The following PEX1 variants were observed in gnomAD, a reference collection of about 807,000 sequenced individuals.
The protein encoded by PEX1 is peroxisomal biogenesis factor 1.
PEX1 carries 97 observed loss-of-function variants against 152.5 expected under a neutral mutation model. The ratio of observed to expected loss-of-function variants is 0.64; its 90% CI spans 0.54 to 0.75. PEX1 has a LOEUF of 0.75. Among genes scored for constraint, PEX1 ranks in the 30% least tolerant of loss-of-function variants. PEX1 has a pLI of 0.00. For missense variants in PEX1, 1,357 were observed against 1,516.3 expected (o/e 0.89, Z 1.74); for synonymous variants, 485 against 531.6 (o/e 0.91, Z 1.21).
Position 92,499,961 on chromosome 7 carries a change from G to C in PEX1, c.2584-123C>G. On this transcript the variant is annotated intron_variant, in intron 15 of 23. Coordinates refer to ENST00000248633, the MANE Select transcript of PEX1 (RefSeq NM_000466.3). ...TGGTAATCACGACCATCTTTCTTTA[G>C]TAACAGCAAGTACAACAGTAGAAAA... 2.8e-6 allele frequency: 2 copies of C among 715,946 alleles called. 1 individual carries two copies. The highest frequency in any genetic ancestry group is 3.3e-5 in the South Asian group (2 of 59,948). 44.3% of individuals were successfully genotyped at this position (715,946 alleles called of 1,614,324 possible).
chr7:92,493,689 A>T (rs2116085791), intron 19 of PEX1: 1 of 153,972 alleles, frequency 6.5e-6, no homozygotes, highest in East Asian at 1.9e-4. Flanking sequence ...ATAATTTCTT[A>T]TTCACACAGT....
chr7:92,519,772 T>C (rs1225259888), intron 2 of PEX1, among the ~76,000 whole-genome samples: 2 of 152,180 alleles, frequency 1.3e-5, no homozygotes, highest in African/African-American at 4.8e-5. Context: ...CCTCCTATTA[T>C]AGTTTAAATA....
intron 14 of PEX1, 82 bp downstream of exon 14, chr7:92,501,808 A>G (rs1738346501): frequency 7.1e-7 from 1 of 1,408,986 alleles, no homozygotes; most frequent in Admixed American, 1.7e-5. Flanking sequence ...AATGGAATAT[A>G]TTTAATTCTT....
At chr7:92,514,766 C>T (rs1792643993) in intron 5 of PEX1, among the ~76,000 whole-genome samples, 1 of 152,020 alleles carries the variant, frequency 6.6e-6, no homozygotes, top group African/African-American at 2.4e-5. Flanking sequence ...TTAAATTTTA[C>T]CTCAGCCGGG....
chr7:92,495,834 G>A (rs1346738070), intron 17 of PEX1, among the ~76,000 whole-genome samples: 1 of 151,724 alleles, frequency 6.6e-6, no homozygotes, highest in African/African-American at 2.4e-5. Context: ...ATATTTTTTA[G>A]TTTATATCTA....
intron 3 of PEX1, 34 bp from the exon 4 acceptor site, chr7:92,518,289 T>C: frequency 7.4e-7 from 1 of 1,348,484 alleles, no homozygotes. Context: ...CAATTCACTT[T>C]ACATTTTGTC....
intron 19 of PEX1, 102 bp downstream of exon 19, chr7:92,494,191 C>T (rs995428453): frequency 9.5e-5 from 81 of 848,654 alleles, no homozygotes; most frequent in East Asian, 3.9e-4. Flanking sequence ...CCTAAGAAAG[C>T]TGGTCTTCTA....
chr7:92,500,541 C>T (rs1034650621), intron 15 of PEX1, among the ~76,000 whole-genome samples: 2 of 152,242 alleles, frequency 1.3e-5, no homozygotes, highest in African/African-American at 4.8e-5. Flanking sequence ...GATGCCCCAT[C>T]CCAGCATCGG....
intron 5 of PEX1, among the ~76,000 whole-genome samples, chr7:92,514,778 G>A (rs909624274): frequency 2.0e-5 from 3 of 152,064 alleles, no homozygotes; most frequent in East Asian, 1.9e-4. Context: ...TCAGCCGGGC[G>A]CAGTGGCTCA....
chr7:92,514,941 C>T (rs1376102425), intron 5 of PEX1, among the ~76,000 whole-genome samples: 2 of 151,172 alleles, frequency 1.3e-5, no homozygotes, highest in African/African-American at 2.4e-5. Flanking sequence ...CCTAGCTACT[C>T]GGGAGGCTGA....
chr7:92,494,460 T>C (rs752188291), intron 18 of PEX1, 27 bp downstream of exon 18: 2 of 1,612,380 alleles, frequency 1.2e-6, no homozygotes, highest in South Asian at 1.1e-5. Context: ...TGTTATAACA[T>C]TCTATTTCTG....
chr7:92,489,581 A>T (rs1791158588), intron 22 of PEX1, 133 bp downstream of exon 22: 1 of 1,015,634 alleles, frequency 9.8e-7, no homozygotes. Context: ...GCACATAACC[A>T]TGACTGAGTT....
rs368386312 is a variant in PEX1 at position 92,511,080 on chromosome 7, G to A, written c.1484-33C>T. 1.3e-5 allele frequency: 12 copies of A among 946,386 alleles called. No homozygotes were observed. In the African/African-American group the frequency reaches 1.6e-4, roughly 13 times the overall value. 58.6% of individuals were successfully genotyped at this position (946,386 alleles called of 1,614,324 possible). A position where few individuals can be genotyped will look rare whatever the true frequency, so the allele number is the denominator to read the frequency against. ...AAAGAAAGTAATAAATGCAGAGTTA[G>A]TACTGAAACAGAGATGAAATAATTT... On this transcript the variant is annotated intron_variant, in intron 7 of 23. Transcript: ENST00000248633.
chr7:92,494,297 T>C lies in PEX1; in HGVS notation c.3026A>G (p.Asp1009Gly). 6.2e-7 allele frequency: 1 copy of C among 1,611,120 alleles called. No individual in the cohort carries two copies. Among genetic ancestry groups the C allele is most frequent in the Non-Finnish European group, 8.5e-7 (1 of 1,177,532 alleles). The stretch of plus-strand genomic sequence containing the variant: ...CTCTAAATATGAAATTGTCACCTGA[T>C]CAGGAGGAGGACAGTATACACATTT... ...LDKCVYCPPP[D>G]QVSRLEILNV... The change falls in exon 19 of 24, where the codon GAT (aspartate) becomes GGT (glycine). Residue 1009 changes from aspartate (D) to glycine (G), a missense_variant. Transcript: ENST00000248633.
Position 92,524,929 on chromosome 7 carries a change from A to G in PEX1, c.130-2684T>C, listed in dbSNP as rs148284524. Among the ~76,000 whole-genome samples, 798 of 152,354 alleles carry G rather than the reference A, an allele frequency of 5.2e-3. 5 individuals are homozygous for G. The highest frequency in any genetic ancestry group is 0.018 in the African/African-American group (732 of 41,580). Reference sequence around the variant, plus strand: ...GATAAATTCTACTTCATATGAAGAAACTTAAGAGATGGAAATATGAAAGAT... The same window carrying G: ...GATAAATTCTACTTCATATGAAGAAGCTTAAGAGATGGAAATATGAAAGAT... On this transcript the variant is annotated intron_variant, in intron 1 of 23. Transcript: ENST00000248633.
rs1228752687 is a variant in PEX1, at chr7:92,516,045, AGAGAAGAGAAAAAAGAAAAGAAAAG to A, written c.1239+1206_1239+1230del. ...AGAGAAGAGAAGAGAAGAGAAGAGAAGAGAAGAGAAAAAAGAAAAGAAAAGAAAAGAAAAGAAAAGAAAAGAAAAG... is the reference window on the plus strand; with the variant it reads ...AGAGAAGAGAAGAGAAGAGAAGAGAAAAAAGAAAAGAAAAGAAAAGAAAAG... On this transcript the variant is annotated intron_variant, in intron 5 of 23. Coordinates refer to ENST00000248633, the MANE Select transcript of PEX1 (RefSeq NM_000466.3). Among the ~76,000 whole-genome samples, 181 of 99,442 alleles carry A rather than the reference AGAGAAGAGAAAAAAGAAAAGAAAAG, an allele frequency of 1.8e-3. 1 individual carries two copies. The highest frequency in any genetic ancestry group is 6.1e-3 in the African/African-American group (145 of 23,958). 65.2% of individuals were successfully genotyped at this position (99,442 alleles called of 152,430 possible). A position where few individuals can be genotyped will look rare whatever the true frequency, so the allele number is the denominator to read the frequency against.
chr7:92,490,408 G>A (rs188796234), intron 21 of PEX1, among the ~76,000 whole-genome samples: 5 of 152,126 alleles, frequency 3.3e-5, no homozygotes, highest in Non-Finnish European at 4.4e-5. Context: ...GTCAAGGCAC[G>A]CAGATAGCTT....
Position 92,489,843 on chromosome 7 carries a change from C to T in PEX1, c.3507G>A (p.Gln1169=). 1 of 1,614,064 alleles carries T rather than the reference C, an allele frequency of 6.2e-7. No homozygotes were observed. The highest frequency in any genetic ancestry group is 8.5e-7 in the Non-Finnish European group (1 of 1,179,964). The change falls in exon 22 of 24, where the codon CAG becomes CAA. Residue 1169 remains glutamine, a synonymous_variant. Transcript: ENST00000248633. ...TTAACACTGGAGGCTGTGAAAACAA[C>T]TGGTCTTTCCCAGGAACTCCAGGCA... The part of the protein sequence containing the change: ...QDLPGVPGKD[Q]LFSQPPVLRT...
intron 2 of PEX1, among the ~76,000 whole-genome samples, chr7:92,519,999 CT>C (rs1792980862): frequency 6.6e-6 from 1 of 152,032 alleles, no homozygotes; most frequent in African/African-American, 2.4e-5. Context: ...CAATATCTCC[CT>C]TACTGAAAAG....
Sources: gnomAD v4.1 joint callset for allele counts (sites outside exome capture counted in the v4.1 genomes callset) on GRCh38, gnomAD v4.1.1 for gene constraint, MANE v1.5 for transcripts, NCBI Gene and HGNC (gene_info 2026-07-23, HGNC 2026-07-21) for gene names.